The following PREX1 variants were observed in gnomAD, a reference collection of about 807,000 sequenced individuals.
PREX1 encodes the protein phosphatidylinositol 3,4,5-trisphosphate-dependent Rac exchanger 1 protein.
A neutral mutation model predicts 198.3 loss-of-function variants in PREX1; 41 were observed. The observed-to-expected ratio is 0.21, with a 90% CI of 0.16 to 0.27. The LOEUF is 0.27. Ranked by LOEUF, PREX1 falls within the 10% of genes least tolerant of loss-of-function variation. PREX1 has a pLI of 1.00. For synonymous variants in PREX1, 843 were observed against 887.2 expected (o/e 0.95, Z 0.89); for missense variants, 1,620 against 2,200.7 (o/e 0.74, Z 5.28).
At chr20:48,679,876 A>G (rs1197457046) in intron 11 of PREX1, 122 bp from the exon 12 acceptor site, 1 of 740,844 alleles carries the variant, frequency 1.3e-6, no homozygotes, top group African/African-American at 1.8e-5. Context: ...CACACCCACC[A>G]GCATCAGGCT....
At chr20:48,679,450 T>C (rs758190596) in intron 12 of PREX1, 41 bp from the exon 13 acceptor site, 2 of 1,592,106 alleles carry the variant, frequency 1.3e-6, no homozygotes, top group Non-Finnish European at 1.7e-6. Context: ...TCAGGCCACA[T>C]CCTTCACGAG....
At chr20:48,652,132 T>A (rs1201635628) in intron 21 of PREX1, among the ~76,000 whole-genome samples, 1 of 152,200 alleles carries the variant, frequency 6.6e-6, no homozygotes, top group Non-Finnish European at 1.5e-5. Context: ...GAAACTGACA[T>A]AACATCGTGG....
upstream of PREX1, among the ~76,000 whole-genome samples, chr20:48,828,293 T>C (rs148437801): frequency 0.01 from 1,574 of 151,798 alleles, 23 homozygotes; most frequent in African/African-American, 0.035. Flanking sequence ...GAACCGAGCG[T>C]ACCAACTCCG....
chr20:48,673,218 C>A (rs6019360), intron 14 of PREX1, among the ~76,000 whole-genome samples: 1 of 151,966 alleles, frequency 6.6e-6, no homozygotes, highest in Admixed American at 6.5e-5. Context: ...TGGCATCTTG[C>A]GTGCCCAAGG....
chr20:48,721,785 C>T (rs1229398922), intron 5 of PREX1, among the ~76,000 whole-genome samples: 1 of 152,146 alleles, frequency 6.6e-6, no homozygotes, highest in Non-Finnish European at 1.5e-5. Flanking sequence ...AGTGTCCCAG[C>T]ATGGGGGAAG....
At chr20:48,633,383 C>T (rs4239656) in intron 33 of PREX1, among the ~76,000 whole-genome samples, 152,085 of 152,370 alleles carry the variant, frequency 1, 75,900 homozygotes, top group Middle Eastern at 1. Context: ...TAAACAGACA[C>T]AGGGTATACC....
intron 1 of PREX1, among the ~76,000 whole-genome samples, chr20:48,789,071 G>A (rs1226949399): frequency 6.6e-6 from 1 of 152,154 alleles, no homozygotes; most frequent in Non-Finnish European, 1.5e-5. Flanking sequence ...AGCAACAGAA[G>A]ATAGACTAAG....
chr20:48,727,149 G>A (rs1171123437), intron 4 of PREX1, among the ~76,000 whole-genome samples: 8 of 152,202 alleles, frequency 5.3e-5, no homozygotes, highest in Admixed American at 1.3e-4. Context: ...TCCCTCTGTG[G>A]AGGGAGAGTT....
intron 14 of PREX1, among the ~76,000 whole-genome samples, chr20:48,669,885 G>A (rs893799307): frequency 6.6e-6 from 1 of 152,168 alleles, no homozygotes. Context: ...GGGGGAAAGA[G>A]GTGTCAGTTA....
chr20:48,744,033 TGA>T (rs373615210), intron 3 of PREX1, among the ~76,000 whole-genome samples: 10 of 140,746 alleles, frequency 7.1e-5, no homozygotes, highest in Middle Eastern at 3.9e-3. Flanking sequence ...ATGATGATGA[TGA>T]GTTAACAGTG....
chr20:48,762,758 A>G (rs2090188280), intron 1 of PREX1, among the ~76,000 whole-genome samples: 1 of 145,590 alleles, frequency 6.9e-6, no homozygotes, highest in South Asian at 2.1e-4. Context: ...GCTGGAGTGC[A>G]GTGGCACCAT....
chr20:48,853,567 G>A, the PREX1 span, among the ~76,000 whole-genome samples: 1 of 152,164 alleles, frequency 6.6e-6, no homozygotes, highest in Non-Finnish European at 1.5e-5. Context: ...TGGGGATTAT[G>A]GAGATTACAA....
At chr20:48,648,488 T>C (rs563007694) in intron 25 of PREX1, among the ~76,000 whole-genome samples, 31 of 152,246 alleles carry the variant, frequency 2.0e-4, no homozygotes, top group African/African-American at 7.5e-4. Flanking sequence ...CAGCCCCAAA[T>C]GTCACCAGTG....
At chr20:48,681,207 G>A (rs1399205036) in intron 11 of PREX1, 28 bp downstream of exon 11, 1 of 1,599,106 alleles carries the variant, frequency 6.3e-7, no homozygotes, top group Non-Finnish European at 8.6e-7. Context: ...CCACCCCTTG[G>A]CCCAGCTGGG....
the PREX1 span, chr20:48,849,390 C>A: frequency 6.6e-6 from 1 of 152,128 alleles, no homozygotes; most frequent in Non-Finnish European, 1.5e-5. Context: ...TGTGGTGACT[C>A]TTTTTACAAA....
At chr20:48,806,018 G>T (rs1013294385) in intron 1 of PREX1, among the ~76,000 whole-genome samples, 7 of 152,230 alleles carry the variant, frequency 4.6e-5, no homozygotes, top group Non-Finnish European at 2.9e-5. Context: ...GACAATTGGG[G>T]CCAGGTAATA....
rs753042714 is a variant in PREX1 at position 48,639,858 on chromosome 20, C to T, written c.3812G>A (p.Arg1271Gln). 37 of 1,613,892 alleles carry T rather than the reference C, an allele frequency of 2.3e-5. No homozygotes were observed. In the Admixed American group the frequency reaches 3.7e-4, roughly 16 times the overall value. The change falls in exon 30 of 40, where the codon CGG (arginine) becomes CAG (glutamine). Residue 1271 changes from arginine (R) to glutamine (Q), a missense_variant. Around this residue, in one of 7 missense-constraint regions of PREX1, gnomAD observed 476 missense variants for 603.4 expected, o/e 0.79. Transcript: ENST00000371941. ...KQKEECTIRG[R>Q]SLIQISIQED... ...CTGGATGCTAATCTGGATCAGGCTC[C>T]GGCCACGGATTGTACACTCTTCTTT...
chr20:48,713,913 A>C (rs1025636511), intron 5 of PREX1, among the ~76,000 whole-genome samples: 2 of 152,204 alleles, frequency 1.3e-5, no homozygotes, highest in African/African-American at 4.8e-5. Context: ...TATCAAAAAA[A>C]ATTGAGAGTC....
rs903621539 is a variant in PREX1, at chr20:48,691,633, C to A, written c.1037-537G>T. Reference sequence around the variant, plus strand: ...CTGTGGCTCAAAACCAAGCAAGAACCCCTGCTCTGGACAAGCTCAAAAGCA... The same window carrying A: ...CTGTGGCTCAAAACCAAGCAAGAACACCTGCTCTGGACAAGCTCAAAAGCA... On this transcript the variant is annotated intron_variant, in intron 8 of 39. Coordinates refer to ENST00000371941, the MANE Select transcript of PREX1 (RefSeq NM_020820.4). The surrounding 1 kb of genome is among the most constrained non-coding windows in gnomAD (Gnocchi z 5.0). 1.2e-4 allele frequency among the ~76,000 whole-genome samples: 18 copies of A among 152,216 alleles called. No individual in the cohort carries two copies. The highest frequency in any genetic ancestry group is 4.1e-4 in the African/African-American group (17 of 41,446).
Sources: gnomAD v4.1 joint callset for allele counts (sites outside exome capture counted in the v4.1 genomes callset) on GRCh38, gnomAD v4.1.1 for gene constraint, gnomAD v4.1.1 regional missense constraint, Gnocchi (gnomAD v3.1) non-coding constraint, MANE v1.5 for transcripts, NCBI Gene and HGNC (gene_info 2026-07-23, HGNC 2026-07-21) for gene names.